Variants in SH3GL2 observed in about 807,000 individuals in gnomAD.
SH3GL2 encodes endophilin-A1.
SH3GL2 carries 24 observed loss-of-function variants against 46.0 expected under a neutral mutation model. The observed-to-expected ratio is 0.52, with a 90% CI of 0.38 to 0.73. The LOEUF (loss-of-function observed/expected upper bound fraction) is 0.73. Among genes scored for constraint, SH3GL2 ranks in the 30% least tolerant of loss-of-function variants. The pLI, the probability that SH3GL2 is intolerant of heterozygous loss-of-function variation, is 0.00. For synonymous variants in SH3GL2, 196 were observed against 147.1 expected (o/e 1.33, Z -2.40); for missense variants, 413 against 424.2 (o/e 0.97, Z 0.23).
At chr9:17,669,679 G>A (rs1364796254) in intron 1 of SH3GL2, among the ~76,000 whole-genome samples, 2 of 152,250 alleles carry the variant, frequency 1.3e-5, no homozygotes, top group East Asian at 1.9e-4. Context: ...ACCGGGGTTG[G>A]TTCTGGGTTT....
intron 1 of SH3GL2, among the ~76,000 whole-genome samples, chr9:17,688,540 C>A (rs1820987403): frequency 1.3e-5 from 2 of 151,968 alleles, no homozygotes; most frequent in South Asian, 4.1e-4. Context: ...TACCATCCTT[C>A]AGTAAAAGGA....
At chr9:17,660,086 C>T (rs898495717) in intron 1 of SH3GL2, among the ~76,000 whole-genome samples, 2 of 152,164 alleles carry the variant, frequency 1.3e-5, no homozygotes, top group Non-Finnish European at 1.5e-5. Flanking sequence ...GTTAGAGTTG[C>T]CTCATCCAGT....
At chr9:17,787,096 GT>G in intron 4 of SH3GL2, among the ~76,000 whole-genome samples, 1 of 152,276 alleles carries the variant, frequency 6.6e-6, no homozygotes, top group South Asian at 2.1e-4. Flanking sequence ...CCTTAAGCTA[GT>G]CCCACATTAG....
At chr9:17,587,324 G>C (rs1278486009) in intron 1 of SH3GL2, among the ~76,000 whole-genome samples, 1 of 152,186 alleles carries the variant, frequency 6.6e-6, no homozygotes, top group African/African-American at 2.4e-5. Flanking sequence ...CATCCTGCAG[G>C]GGGCATTGTG....
At chr9:17,766,294 C>G (rs1238316025) in intron 3 of SH3GL2, among the ~76,000 whole-genome samples, 1 of 152,192 alleles carries the variant, frequency 6.6e-6, no homozygotes, top group Admixed American at 6.5e-5. Flanking sequence ...GTAAAGTCAT[C>G]CAAGCTTGAA....
intron 1 of SH3GL2, among the ~76,000 whole-genome samples, chr9:17,714,264 G>C (rs954757341): frequency 2.0e-5 from 3 of 151,494 alleles, no homozygotes; most frequent in Non-Finnish European, 4.4e-5. Flanking sequence ...AGTGTTTGTA[G>C]GTTTGTAGTA....
intron 1 of SH3GL2, among the ~76,000 whole-genome samples, chr9:17,593,680 A>G (rs1818523502): frequency 6.6e-6 from 1 of 152,156 alleles, no homozygotes. Flanking sequence ...ATTTAATTAT[A>G]TTTTAGAAAA....
chr9:17,631,257 A>G (rs538552434), intron 1 of SH3GL2, among the ~76,000 whole-genome samples: 10 of 152,298 alleles, frequency 6.6e-5, no homozygotes, highest in Non-Finnish European at 1.5e-4. Context: ...TCTCTCATCC[A>G]TCCCCCTGTG....
chr9:17,595,403 T>A (rs1818552408), intron 1 of SH3GL2, among the ~76,000 whole-genome samples: 1 of 152,222 alleles, frequency 6.6e-6, no homozygotes, highest in African/African-American at 2.4e-5. Context: ...TTTCATTGTT[T>A]AGATTGGCAG....
At chr9:17,780,482 AT>A (rs59714232) in intron 3 of SH3GL2, among the ~76,000 whole-genome samples, 11,931 of 147,850 alleles carry the variant, frequency 0.081, 624 homozygotes, top group Admixed American at 0.15. Flanking sequence ...TTTTTTTTTA[AT>A]TTTTTTTTTA....
At chr9:17,780,552 C>T (rs1205493997) in intron 3 of SH3GL2, among the ~76,000 whole-genome samples, 1 of 140,376 alleles carries the variant, frequency 7.1e-6, no homozygotes, top group Non-Finnish European at 1.5e-5. Flanking sequence ...CATATGTATA[C>T]ATGTGCCATG....
chr9:17,615,484 G>A (rs766722645), intron 1 of SH3GL2, among the ~76,000 whole-genome samples: 4 of 151,626 alleles, frequency 2.6e-5, no homozygotes, highest in South Asian at 2.1e-4. Flanking sequence ...GTGAAACCCC[G>A]TCTCTACTAA....
rs540087182 is a variant in SH3GL2, at chr9:17,599,459, C to T, written c.45+20172C>T. ...CCAGCAGGTTCTTCTTTCTGGGATC[C>T]AGTTAGGCAATATGTGTCAATATGC... On this transcript the variant is annotated intron_variant, in intron 1 of 8. Transcript: ENST00000380607. Among the ~76,000 whole-genome samples, 22 of 152,320 alleles carry T rather than the reference C, an allele frequency of 1.4e-4. No homozygotes were observed. In the South Asian group the frequency reaches 4.1e-3, roughly 29 times the overall value.
intron 1 of SH3GL2, among the ~76,000 whole-genome samples, chr9:17,714,622 A>T (rs78125464): frequency 0.075 from 11,356 of 151,814 alleles, 586 homozygotes; most frequent in Non-Finnish European, 0.11. Context: ...CACTTATTGC[A>T]TACAAACCTT....
chr9:17,772,201 T>C (rs1823504475), intron 3 of SH3GL2, among the ~76,000 whole-genome samples: 1 of 152,216 alleles, frequency 6.6e-6, no homozygotes, highest in Non-Finnish European at 1.5e-5. Flanking sequence ...TACATAAATT[T>C]TGTTGGAAGT....
intron 1 of SH3GL2, among the ~76,000 whole-genome samples, chr9:17,666,437 A>C (rs148662067): frequency 8.2e-4 from 124 of 152,032 alleles, no homozygotes; most frequent in Non-Finnish European, 1.4e-3. Context: ...CCTGTTACCT[A>C]TAGGTAACTG....
Position 17,787,598 on chromosome 9 carries a change from G to C in SH3GL2, c.465+85G>C, listed in dbSNP as rs533058837. On this transcript the variant is annotated intron_variant, in intron 5 of 8. Transcript: ENST00000380607. ...TTTTTCTTTAGAAAACATTTTTTTA[G>C]CTTACCCTGTGTGTTGTCAGCTCTG... 1.0e-5 allele frequency: 12 copies of C among 1,145,746 alleles called. No homozygotes were observed. In the Admixed American group the frequency reaches 2.1e-4, roughly 20 times the overall value. 71.0% of individuals were successfully genotyped at this position (1,145,746 alleles called of 1,614,324 possible). A position where few individuals can be genotyped will look rare whatever the true frequency, so the allele number is the denominator to read the frequency against.
intron 1 of SH3GL2, among the ~76,000 whole-genome samples, chr9:17,644,232 C>T (rs1819752555): frequency 1.3e-5 from 2 of 151,454 alleles, no homozygotes; most frequent in Admixed American, 6.6e-5. Flanking sequence ...CTCTTTTCTT[C>T]TTTATTAGTC....
At chr9:17,678,187 C>A (rs576100558) in intron 1 of SH3GL2, among the ~76,000 whole-genome samples, 2 of 152,072 alleles carry the variant, frequency 1.3e-5, no homozygotes, top group East Asian at 3.9e-4. Flanking sequence ...ATTTCTAGTT[C>A]TAGATCCCTG....
Sources: allele counts gnomAD v4.1 joint callset (sites outside exome capture counted in the v4.1 genomes callset), GRCh38; gene constraint gnomAD v4.1.1; transcripts MANE v1.5; gene names NCBI Gene and HGNC (gene_info 2026-07-23, HGNC 2026-07-21).